Variants in BRD3 observed in about 807,000 individuals in gnomAD.
The protein encoded by BRD3 is bromodomain-containing protein 3.
Under a neutral mutation model 66.8 loss-of-function variants are expected in BRD3, and 17 were observed. That is an observed-to-expected ratio of 0.25 (90% CI 0.17 to 0.38). The LOEUF (loss-of-function observed/expected upper bound fraction) is 0.38. Ranked by LOEUF, BRD3 falls within the 10% of genes least tolerant of loss-of-function variation. The probability of loss-of-function intolerance (pLI) is 1.00; values close to 1 mark genes in which losing one functional copy is unlikely to be tolerated. For synonymous variants in BRD3, 421 were observed against 393.2 expected, an observed-to-expected ratio of 1.07 and a Z score of -0.84; for missense variants, 713 against 956.1, an observed-to-expected ratio of 0.75 and a Z score of 3.35.
At chr9:134,054,947 G>A (rs1029828552) in intron 1 of BRD3, among the ~76,000 whole-genome samples, 1 of 152,170 alleles carries the variant, frequency 6.6e-6, no homozygotes. Context: ...ATGCCAGCAC[G>A]AGAGAACGTG....
At chr9:134,062,581 C>T (rs1310230827) in intron 1 of BRD3, among the ~76,000 whole-genome samples, 1 of 152,168 alleles carries the variant, frequency 6.6e-6, no homozygotes, top group Non-Finnish European at 1.5e-5. Context: ...CTTCTGGCCA[C>T]AACCCGTCAC....
chr9:134,057,079 G>A (rs2132443017), intron 1 of BRD3: 1 of 152,478 alleles, frequency 6.6e-6, no homozygotes, highest in Non-Finnish European at 1.5e-5. Flanking sequence ...CGACGGAAAT[G>A]AGATGAGGCA....
At chr9:134,052,800 G>A (rs890836134) in intron 2 of BRD3, among the ~76,000 whole-genome samples, 1 of 152,202 alleles carries the variant, frequency 6.6e-6, no homozygotes, top group African/African-American at 2.4e-5. Context: ...CCAGCCCAGG[G>A]ATTCCTCTGC....
upstream of BRD3, chr9:134,068,536 CG>C (rs1200234104): frequency 1.3e-5 from 2 of 150,114 alleles, no homozygotes; most frequent in Non-Finnish European, 3.0e-5. Flanking sequence ...ATTAGCCTGG[CG>C]GGAGCGCGCG....
chr9:134,044,982 G>A (rs563367886), intron 7 of BRD3, among the ~76,000 whole-genome samples: 1 of 152,218 alleles, frequency 6.6e-6, no homozygotes, highest in Non-Finnish European at 1.5e-5. Context: ...AGCCGCAAGA[G>A]AAAGAGCATC....
rs1359925355 is a variant in BRD3, at chr9:134,040,143, T to G, written c.1534A>C (p.Lys512Gln). 1 of 1,565,284 alleles carries G rather than the reference T, an allele frequency of 6.4e-7. No homozygotes were observed. Among genetic ancestry groups the G allele is most frequent in the Non-Finnish European group, 8.7e-7 (1 of 1,155,362 alleles). Residue 512 changes from lysine (K) to glutamine (Q), a missense_variant, in exon 9 of 12, where the codon AAA (lysine) becomes CAA (glutamine). By Grantham distance (53) the Lys-to-Gln change is moderately conservative. Around this residue, in one of 5 missense-constraint regions of BRD3, gnomAD observed 418 missense variants for 609.3 expected, o/e 0.69. Transcript: ENST00000303407. ...TTCTTCTCTTCCTCGGCCTTCACTT[T>G]GTGCTTCTCCTTCTCCTTCTCCTTG... ...KDKEKEKEKH[K>Q]VKAEEEKKAK...
At chr9:134,051,764 A>G in intron 3 of BRD3, 55 bp from the exon 4 acceptor site, 1 of 1,552,744 alleles carries the variant, frequency 6.4e-7, no homozygotes, top group African/African-American at 1.4e-5. Context: ...TGTGCTTGCA[A>G]AGGACATTAT....
At chr9:134,049,840 G>T (rs577525791) in intron 5 of BRD3, among the ~76,000 whole-genome samples, 57 of 152,302 alleles carry the variant, frequency 3.7e-4, no homozygotes, top group African/African-American at 1.4e-3. Flanking sequence ...ACCAGGCCTC[G>T]CCAGCCCCAA....
chr9:134,040,016 A>T lies in BRD3; in HGVS notation c.1643+18T>A, dbSNP rs778097528. 6.3e-7 allele frequency: 1 copy of T among 1,576,486 alleles called. No individual in the cohort carries two copies. Among genetic ancestry groups the T allele is most frequent in the South Asian group, 1.2e-5 (1 of 86,768 alleles). On this transcript the variant is annotated intron_variant, in intron 9 of 11. Coordinates refer to ENST00000303407, the MANE Select transcript of BRD3 (RefSeq NM_007371.4). Reference sequence around the variant, plus strand: ...CTGAGCGCTGGGCTCTTGGAGCCCGAGCAGGTCTGGAGCCCACCTGCCGGC... The same window carrying T: ...CTGAGCGCTGGGCTCTTGGAGCCCGTGCAGGTCTGGAGCCCACCTGCCGGC...
At chr9:134,062,678 C>T (rs959265840) in intron 1 of BRD3, among the ~76,000 whole-genome samples, 4 of 152,194 alleles carry the variant, frequency 2.6e-5, no homozygotes, top group African/African-American at 9.6e-5. Flanking sequence ...GTGGGACCCT[C>T]ATGAGGCGCG....
At chr9:134,067,237 G>C (rs939669204) in intron 1 of BRD3, among the ~76,000 whole-genome samples, 1 of 152,102 alleles carries the variant, frequency 6.6e-6, no homozygotes, top group African/African-American at 2.4e-5. Flanking sequence ...ACGGGAACTG[G>C]GTCTCCCCCT....
At chr9:134,062,333 A>G (rs1167017380) in intron 1 of BRD3, among the ~76,000 whole-genome samples, 1 of 152,130 alleles carries the variant, frequency 6.6e-6, no homozygotes, top group Admixed American at 6.5e-5. Flanking sequence ...TGGTGGGGCT[A>G]TCCTGGGGCA....
At chr9:134,052,282 C>T (rs777064584) in intron 3 of BRD3, 24 bp downstream of exon 3, 11 of 1,609,574 alleles carry the variant, frequency 6.8e-6, no homozygotes, top group South Asian at 3.3e-5. Context: ...CTGCAAGCGG[C>T]GTGCCAGGCC....
chr9:134,051,762 C>T, intron 3 of BRD3, 53 bp from the exon 4 acceptor site: 1 of 1,551,118 alleles, frequency 6.4e-7, no homozygotes, highest in Non-Finnish European at 8.6e-7. Flanking sequence ...TGTGTGCTTG[C>T]AAAGGACATT....
In BRD3 at chr9:134,030,602, G is replaced by C. The variant is rs1375029677; in HGVS notation, c.*2988C>G. The C allele has an allele frequency of 4.5e-6, 1 of 224,670 alleles. No homozygotes were observed. Among genetic ancestry groups the C allele is most frequent in the Admixed American group, 5.7e-5 (1 of 17,438 alleles). The allele number at this position is 224,670 out of a possible 1,614,324, so 13.9% of individuals were successfully genotyped here. A position where few individuals can be genotyped will look rare whatever the true frequency, so the allele number is the denominator to read the frequency against. On this transcript the variant is annotated 3_prime_UTR_variant, in exon 12 of 12. Transcript: ENST00000303407. ...AAATATAAAAAAGAAAAACTTCCTG[G>C]AAGCATTATGCCAGTATTAAGGAAC...
At chr9:134,049,456 C>G (rs1830245476) in intron 5 of BRD3, among the ~76,000 whole-genome samples, 1 of 152,338 alleles carries the variant, frequency 6.6e-6, no homozygotes. Flanking sequence ...GGGGCCGGAG[C>G]CGGCTATCCA....
rs574094333 is a variant in BRD3, at chr9:134,031,689, C to G, written c.*1901G>C. ...CTCTCCAGTAAGGGTATACCTACAT[C>G]TGTAAGGGTCAGTGGACTCTGAATC... On this transcript the variant is annotated 3_prime_UTR_variant, in exon 12 of 12. Transcript: ENST00000303407. The G allele has an allele frequency of 1.3e-4, 28 of 214,214 alleles. No individual in the cohort carries two copies. Among genetic ancestry groups the G allele is most frequent in the African/African-American group, 6.1e-4 (27 of 44,318 alleles). 13.3% of individuals were successfully genotyped at this position (214,214 alleles called of 1,614,324 possible).
At chr9:134,038,187 C>T (rs990794677) in intron 9 of BRD3, among the ~76,000 whole-genome samples, 1 of 152,140 alleles carries the variant, frequency 6.6e-6, no homozygotes, top group African/African-American at 2.4e-5. Context: ...CCAAGTCTTG[C>T]TCTGTCGCCC....
At chr9:134,055,588 T>C (rs1830403847) in intron 1 of BRD3, among the ~76,000 whole-genome samples, 1 of 152,160 alleles carries the variant, frequency 6.6e-6, no homozygotes. Flanking sequence ...ACGCCAGTTA[T>C]GGGCACCAAG....
Sources: gnomAD v4.1 joint callset for allele counts (sites outside exome capture counted in the v4.1 genomes callset) on GRCh38, gnomAD v4.1.1 for gene constraint, gnomAD v4.1.1 regional missense constraint, MANE v1.5 for transcripts, NCBI Gene and HGNC (gene_info 2026-07-23, HGNC 2026-07-21) for gene names.